The following LOC728743 variants were observed in gnomAD, a reference collection of about 807,000 sequenced individuals.
At chr7:150,404,528 T>C in the LOC728743 span, 5 of 152,196 alleles carry the variant, frequency 3.3e-5, no homozygotes, top group Non-Finnish European at 5.9e-5. Flanking sequence ...CACATGGTTA[T>C]TGGAAGGTTC....
At chr7:150,402,512 G>A in the LOC728743 span, among the ~76,000 whole-genome samples, 3 of 152,260 alleles carry the variant, frequency 2.0e-5, no homozygotes, top group Non-Finnish European at 1.5e-5. Flanking sequence ...TCATTCAACA[G>A]ACATCGACTG....
At chr7:150,412,397 C>T in the LOC728743 span, 1 of 152,272 alleles carries the variant, frequency 6.6e-6, no homozygotes, top group Admixed American at 6.5e-5. Flanking sequence ...AGTGGTCGTC[C>T]AGCCTGGATA....
At chr7:150,409,474 G>A in the LOC728743 span, among the ~76,000 whole-genome samples, 1 of 152,186 alleles carries the variant, frequency 6.6e-6, no homozygotes, top group South Asian at 2.1e-4. Flanking sequence ...TCTGAGGCAC[G>A]GGCCTCTTCA....
chr7:150,411,184 G>A, the LOC728743 span: 1 of 152,354 alleles, frequency 6.6e-6, no homozygotes, highest in African/African-American at 2.4e-5. Context: ...CTGGACTGCT[G>A]TGGACGCTGG....
At chr7:150,410,169 G>A in the LOC728743 span, 17 of 398,502 alleles carry the variant, frequency 4.3e-5, no homozygotes, top group Non-Finnish European at 6.2e-5. Flanking sequence ...GTTGCAGAGT[G>A]GGCAGGATCT....
chr7:150,404,098 T>C, the LOC728743 span, among the ~76,000 whole-genome samples: 6,784 of 152,278 alleles, frequency 0.045, 510 homozygotes, highest in African/African-American at 0.15. Context: ...ACCACATCCA[T>C]TGTCTGCTGC....
At chr7:150,410,445 ACT>A in the LOC728743 span, 1 of 367,294 alleles carries the variant, frequency 2.7e-6, no homozygotes, top group Non-Finnish European at 4.8e-6. Context: ...ACAGGCCCCC[ACT>A]CTCTGCCACT....
At chr7:150,407,548 C>T in the LOC728743 span, 1 of 398,134 alleles carries the variant, frequency 2.5e-6, no homozygotes, top group Non-Finnish European at 4.4e-6. Flanking sequence ...CCTCTCTCTC[C>T]ACCCCCCACC....
At chr7:150,408,491 G>A in the LOC728743 span, 3 of 298,128 alleles carry the variant, frequency 1.0e-5, no homozygotes, top group Admixed American at 5.2e-5. Flanking sequence ...TAGAGCAGGT[G>A]AGACCTGCGG....
At chr7:150,402,095 ATTG>A in the LOC728743 span, among the ~76,000 whole-genome samples, 2 of 152,164 alleles carry the variant, frequency 1.3e-5, no homozygotes, top group East Asian at 1.9e-4. Flanking sequence ...AATGGTAGCT[ATTG>A]TTGTTTTAAT....
At chr7:150,409,765 A>G in the LOC728743 span, among the ~76,000 whole-genome samples, 3 of 152,070 alleles carry the variant, frequency 2.0e-5, no homozygotes, top group African/African-American at 7.2e-5. Flanking sequence ...GGGGACCTGC[A>G]CATTCAGTCC....
chr7:150,407,705 G>A, the LOC728743 span: 7 of 399,422 alleles, frequency 1.8e-5, no homozygotes, highest in African/African-American at 1.0e-4. Context: ...CCACCACCCT[G>A]CAGAGGAGCA....
At chr7:150,409,938 T>C in the LOC728743 span, among the ~76,000 whole-genome samples, 1 of 152,202 alleles carries the variant, frequency 6.6e-6, no homozygotes, top group Non-Finnish European at 1.5e-5. Flanking sequence ...TTCGGACACC[T>C]GGAGTCAGTC....
At chr7:150,406,774 C>T in the LOC728743 span, among the ~76,000 whole-genome samples, 2 of 152,130 alleles carry the variant, frequency 1.3e-5, no homozygotes, top group African/African-American at 2.4e-5. Flanking sequence ...GCTGCTCAGC[C>T]TTGGGCCAGG....
At chr7:150,409,311 A>G in the LOC728743 span, among the ~76,000 whole-genome samples, 1 of 152,170 alleles carries the variant, frequency 6.6e-6, no homozygotes, top group Non-Finnish European at 1.5e-5. Flanking sequence ...CTGTGAGGAC[A>G]GACTGATGTG....
At chr7:150,408,514 C>A in the LOC728743 span, 1 of 272,068 alleles carries the variant, frequency 3.7e-6, no homozygotes, top group Non-Finnish European at 6.9e-6. Flanking sequence ...CTGGCCAGAG[C>A]CCCTCTCAGG....
the LOC728743 span, among the ~76,000 whole-genome samples, chr7:150,401,214 T>C: frequency 6.6e-6 from 1 of 152,186 alleles, no homozygotes; most frequent in African/African-American, 2.4e-5. Flanking sequence ...AGAAAGATGG[T>C]GTAGGTTCTC....
the LOC728743 span, among the ~76,000 whole-genome samples, chr7:150,406,659 A>G: frequency 6.6e-6 from 1 of 152,112 alleles, no homozygotes; most frequent in Admixed American, 6.5e-5. Context: ...TTGTGAGGAC[A>G]ATGGGAAACA....
the LOC728743 span, chr7:150,404,343 C>T: frequency 6.6e-6 from 1 of 152,254 alleles, no homozygotes; most frequent in African/African-American, 2.4e-5. Flanking sequence ...GTCTGAGGGT[C>T]TCAGTCCCAG....
Sources: allele counts gnomAD v4.1 joint callset (sites outside exome capture counted in the v4.1 genomes callset), GRCh38; gene constraint gnomAD v4.1.1; transcripts MANE v1.5.